The following DUOX1 variants were observed in gnomAD, a reference collection of about 807,000 sequenced individuals.
DUOX1 encodes the protein dual oxidase 1, also known as NADPH thyroid oxidase 1.
In DUOX1, 134 loss-of-function variants were observed where a neutral mutation model predicts 181.8. The ratio of observed to expected loss-of-function variants is 0.74; its 90% CI spans 0.64 to 0.85. DUOX1 has a LOEUF of 0.85. Ranked by LOEUF, DUOX1 falls within the 40% of genes least tolerant of loss-of-function variation. DUOX1 has a pLI of 0.00. For synonymous variants in DUOX1, 798 were observed against 832.5 expected (o/e 0.96, Z 0.71); for missense variants, 1,814 against 2,064.4 (o/e 0.88, Z 2.35).
At chr15:45,131,207 A>G (rs1006818944) in intron 1 of DUOX1, among the ~76,000 whole-genome samples, 7 of 152,134 alleles carry the variant, frequency 4.6e-5, no homozygotes, top group Admixed American at 2.0e-4. Context: ...CGCACTCAGG[A>G]GTCCCAGCCT....
intron 1 of DUOX1, among the ~76,000 whole-genome samples, chr15:45,131,198 G>A (rs192056371): frequency 8.5e-5 from 13 of 152,142 alleles, no homozygotes; most frequent in Admixed American, 5.2e-4. Context: ...CTCCTTACTC[G>A]CACTCAGGAG....
rs572858627 is a variant in DUOX1 at position 45,161,858 on chromosome 15, C to T, written c.3977C>T (p.Ala1326Val). The change falls in exon 30 of 34, where the codon GCG becomes GTG. Residue 1326 changes from alanine to valine, a missense_variant. Coordinates refer to ENST00000389037, the MANE Select transcript of DUOX1 (RefSeq NM_175940.3). The stretch of plus-strand genomic sequence containing the variant: ...TACCACCCCTTCACACTGACCTCTG[C>T]GCCCCATGAGGACACGCTTAGCCTG... ...TEYHPFTLTS[A>V]PHEDTLSLHI... 4.1e-5 allele frequency: 66 copies of T among 1,613,836 alleles called. No homozygotes were observed. The highest frequency in any genetic ancestry group is 1.2e-4 in the South Asian group (11 of 91,052).
At chr15:45,140,066 C>G (rs1475502629) in intron 12 of DUOX1, 66 of 1,373,958 alleles carry the variant, frequency 4.8e-5, no homozygotes, top group Non-Finnish European at 6.4e-5. Flanking sequence ...CTGGTGTTCT[C>G]AAACCAGTAG....
chr15:45,155,425 G>T, intron 27 of DUOX1: 1 of 190,558 alleles, frequency 5.2e-6, no homozygotes. Flanking sequence ...AATTAGCTGG[G>T]CATGATGGTG....
intron 1 of DUOX1, among the ~76,000 whole-genome samples, chr15:45,130,734 C>A (rs145373366): frequency 6.6e-6 from 1 of 152,218 alleles, no homozygotes; most frequent in East Asian, 1.9e-4. Context: ...CATCCCCACA[C>A]AGCCTGGTCT....
At chr15:45,155,029 G>A (rs1269267007) in intron 27 of DUOX1, among the ~76,000 whole-genome samples, 1 of 152,256 alleles carries the variant, frequency 6.6e-6, no homozygotes, top group African/African-American at 2.4e-5. Context: ...GAGTGGTGCA[G>A]GGACAAGGAC....
Position 45,144,895 on chromosome 15 carries a change from G to GCTTT in DUOX1, c.2137_2138insCTTT (p.Val713AlafsTer6). The GCTTT allele has an allele frequency of 5.6e-6, 9 of 1,608,168 alleles. No individual in the cohort carries two copies. Among genetic ancestry groups the GCTTT allele is most frequent in the Non-Finnish European group, 7.6e-6 (9 of 1,177,582 alleles). The stretch of plus-strand genomic sequence containing the variant: ...GCTTTTGCTCGGGCTGCCCCCTTAG[G>GCTTT]TGCTGCTGTTTAACTTGGAGGAAGA... On this transcript the variant is annotated frameshift_variant and splice_region_variant, in exon 18 of 34. Transcript: ENST00000389037. LOFTEE classifies it high-confidence loss of function.
In DUOX1 at chr15:45,143,316, C is replaced by T; in HGVS notation, c.1936+13C>T. On this transcript the variant is annotated intron_variant, in intron 16 of 33. Coordinates refer to ENST00000389037, the MANE Select transcript of DUOX1 (RefSeq NM_175940.3). ...GGAGGCATGGAAGGTAGGTCTAGGG[C>T]TGGCCAGGGTGGTGGTAGGGAGGAC... 1 of 1,608,386 alleles carries T rather than the reference C, an allele frequency of 6.2e-7. No individual in the cohort carries two copies. Among genetic ancestry groups the T allele is most frequent in the South Asian group, 1.1e-5 (1 of 90,862 alleles).
chr15:45,153,613 T>A, intron 26 of DUOX1, 134 bp downstream of exon 26: 11 of 975,140 alleles, frequency 1.1e-5, no homozygotes, highest in Non-Finnish European at 1.8e-5. Context: ...TGTCACCTTC[T>A]AGGTTACAGG....
chr15:45,151,321 G>A (rs1015549509), intron 23 of DUOX1, 73 bp downstream of exon 23: 57 of 1,568,438 alleles, frequency 3.6e-5, no homozygotes, highest in Non-Finnish European at 3.5e-6. Flanking sequence ...TTTCCTTGGT[G>A]CCAGGCACTG....
At chr15:45,150,221 G>A (rs1347603825) in intron 21 of DUOX1, 1 of 163,924 alleles carries the variant, frequency 6.1e-6, no homozygotes, top group Non-Finnish European at 1.3e-5. Context: ...AAAAAGAACT[G>A]TAGCGTGATC....
At chr15:45,157,362 C>T (rs1267248496) in intron 28 of DUOX1, among the ~76,000 whole-genome samples, 2 of 152,274 alleles carry the variant, frequency 1.3e-5, no homozygotes, top group East Asian at 1.9e-4. Context: ...GTGGAAATGA[C>T]GTTCTTGTTC....
Position 45,148,323 on chromosome 15 carries a change from G to A in DUOX1, c.2694G>A (p.Glu898=), listed in dbSNP as rs146441786. The change falls in exon 21 of 34, where the codon GAG becomes GAA. Residue 898 remains glutamate (E), a synonymous_variant. Transcript: ENST00000389037. ...GCCTGTCCAAGGCCCAGCTGGCTGA[G>A]GTGGTGGAGTCCATGTTCCGGGAGT... ...NNCLSKAQLA[E]VVESMFRESG... 8 of 1,614,138 alleles carry A rather than the reference G, an allele frequency of 5.0e-6. No individual in the cohort carries two copies. Among genetic ancestry groups the A allele is most frequent in the Non-Finnish European group, 6.8e-6 (8 of 1,180,058 alleles).
At chr15:45,152,648 G>A (rs1212389114) in intron 25 of DUOX1, 132 bp downstream of exon 25, 6 of 928,572 alleles carry the variant, frequency 6.5e-6, no homozygotes, top group Non-Finnish European at 9.9e-6. Flanking sequence ...GTTGGCCTGG[G>A]CCAGGGTGTG....
chr15:45,139,726 C>T, intron 12 of DUOX1, 127 bp downstream of exon 12: 1 of 1,078,798 alleles, frequency 9.3e-7, no homozygotes, highest in Non-Finnish European at 1.3e-6. Context: ...CAGGGCTTAC[C>T]CAGATCACTT....
intron 33 of DUOX1, among the ~76,000 whole-genome samples, chr15:45,164,571 C>G (rs1200583150): frequency 6.6e-6 from 1 of 151,882 alleles, no homozygotes; most frequent in African/African-American, 2.4e-5. Flanking sequence ...TGGGCACAAG[C>G]AATCCTCCTG....
chr15:45,136,464 G>A, intron 8 of DUOX1, 54 bp downstream of exon 8: 3 of 1,614,026 alleles, frequency 1.9e-6, no homozygotes, highest in Non-Finnish European at 1.7e-6. Context: ...TGCGGGGTGG[G>A]GTGGGGACTA....
chr15:45,139,034 A>G (rs1200563302), intron 10 of DUOX1, 32 bp from the exon 11 acceptor site: 1 of 1,598,122 alleles, frequency 6.3e-7, no homozygotes, highest in East Asian at 2.2e-5. Context: ...CATTAACCAC[A>G]CCCCTTTCCT....
At chr15:45,160,062 G>A (rs896851742) in intron 28 of DUOX1, among the ~76,000 whole-genome samples, 1 of 152,186 alleles carries the variant, frequency 6.6e-6, no homozygotes, top group Non-Finnish European at 1.5e-5. Context: ...TGAGGCAGGA[G>A]AATCTCTTGA....
Sources: gnomAD v4.1 joint callset for allele counts (sites outside exome capture counted in the v4.1 genomes callset) on GRCh38, gnomAD v4.1.1 for gene constraint, MANE v1.5 for transcripts, NCBI Gene and HGNC (gene_info 2026-07-23, HGNC 2026-07-21) for gene names.